CEP112: variants seen among roughly 807,000 people sequenced by gnomAD.
CEP112 encodes centrosomal protein 112.
In CEP112, 127 loss-of-function variants were observed where a neutral mutation model predicts 153.0. That is an observed-to-expected ratio of 0.83 (90% CI 0.72 to 0.96). The LOEUF is 0.96. Among genes scored for constraint, CEP112 ranks in the 40% least tolerant of loss-of-function variants. The probability of loss-of-function intolerance (pLI) is 0.00; values close to 1 mark genes in which losing one functional copy is unlikely to be tolerated. For missense variants in CEP112, 1,089 were observed against 1,101.2 expected (o/e 0.99, Z 0.16); for synonymous variants, 358 against 374.4 (o/e 0.96, Z 0.51).
At chr17:65,972,742 T>C (rs2062888927) in intron 17 of CEP112, among the ~76,000 whole-genome samples, 1 of 152,194 alleles carries the variant, frequency 6.6e-6, no homozygotes, top group Non-Finnish European at 1.5e-5. Flanking sequence ...ACCAGTATCA[T>C]AAAAGAAGAG....
chr17:65,851,831 A>G lies in CEP112; in HGVS notation c.2367T>C (p.Ala789=). 1.2e-6 allele frequency: 2 copies of G among 1,613,770 alleles called. No homozygotes were observed. Among genetic ancestry groups the G allele is most frequent in the South Asian group, 2.2e-5 (2 of 91,004 alleles). The change falls in exon 21 of 27, where the codon GCT becomes GCC. Residue 789 remains alanine (A), a synonymous_variant. Coordinates refer to ENST00000535342, the MANE Select transcript of CEP112 (RefSeq NM_001199165.4). ...KMKIELKKTH[A]AETEMTLEKA... is the part of the protein sequence containing the mutation. Reference sequence around the variant, plus strand: ...TTTCCAGTGTCATCTCTGTCTCAGCAGCATGAGTCTTTTTCAGCTCTATTT... The same window carrying G: ...TTTCCAGTGTCATCTCTGTCTCAGCGGCATGAGTCTTTTTCAGCTCTATTT...
At chr17:65,901,314 A>G (rs2059837901) in intron 20 of CEP112, among the ~76,000 whole-genome samples, 1 of 152,186 alleles carries the variant, frequency 6.6e-6, no homozygotes, top group Admixed American at 6.6e-5. Context: ...AAAGAACATT[A>G]TCTTTTTATT....
chr17:66,078,562 A>C (rs1388313567), intron 8 of CEP112, among the ~76,000 whole-genome samples: 1 of 151,996 alleles, frequency 6.6e-6, no homozygotes, highest in African/African-American at 2.4e-5. Context: ...GGGAAGTTTT[A>C]TATCTTTTAT....
chr17:65,783,527 G>A (rs12947920), intron 21 of CEP112, among the ~76,000 whole-genome samples: 48,903 of 151,974 alleles, frequency 0.32, 9,683 homozygotes, highest in Middle Eastern at 0.45. Flanking sequence ...GCTAAAAGGT[G>A]GAAACAATTC....
intron 19 of CEP112, among the ~76,000 whole-genome samples, chr17:65,914,845 A>C (rs2060415440): frequency 6.6e-6 from 1 of 152,178 alleles, no homozygotes; most frequent in African/African-American, 2.4e-5. Flanking sequence ...AAATTCCTCA[A>C]AACGGCTGCT....
intron 4 of CEP112, among the ~76,000 whole-genome samples, chr17:66,167,726 G>T (rs1407113321): frequency 6.6e-6 from 1 of 152,198 alleles, no homozygotes; most frequent in Non-Finnish European, 1.5e-5. Context: ...GAAATCATAA[G>T]GCCCTGCATT....
intron 23 of CEP112, among the ~76,000 whole-genome samples, chr17:65,737,214 C>T (rs535039911): frequency 1.3e-5 from 2 of 152,002 alleles, no homozygotes; most frequent in African/African-American, 2.4e-5. Flanking sequence ...AGAACAATAT[C>T]GGGTGGTAAG....
intron 21 of CEP112, among the ~76,000 whole-genome samples, chr17:65,756,422 A>G (rs2052281417): frequency 6.6e-6 from 1 of 151,070 alleles, no homozygotes; most frequent in African/African-American, 2.4e-5. Context: ...AAAAAAAAAA[A>G]AAAAAAAAAA....
chr17:65,755,021 A>G (rs1265584993), intron 21 of CEP112, among the ~76,000 whole-genome samples: 1 of 152,164 alleles, frequency 6.6e-6, no homozygotes, highest in Non-Finnish European at 1.5e-5. Flanking sequence ...GCAAACCACC[A>G]TGGCACACGT....
intron 21 of CEP112, among the ~76,000 whole-genome samples, chr17:65,807,118 G>A (rs1417002398): frequency 1.3e-5 from 2 of 152,186 alleles, no homozygotes; most frequent in Non-Finnish European, 2.9e-5. Flanking sequence ...ATTGGGAAGT[G>A]GAGTAAAAGT....
intron 23 of CEP112, among the ~76,000 whole-genome samples, chr17:65,699,320 A>G (rs2048507127): frequency 6.6e-6 from 1 of 152,182 alleles, no homozygotes; most frequent in African/African-American, 2.4e-5. Context: ...CTTTCATTTA[A>G]AACAGTTGGG....
chr17:65,953,149 T>C (rs1443262604), intron 18 of CEP112, among the ~76,000 whole-genome samples: 2 of 152,204 alleles, frequency 1.3e-5, no homozygotes, highest in Non-Finnish European at 2.9e-5. Context: ...TTAACTGAAA[T>C]TTAATTTCTA....
chr17:65,712,325 A>G (rs1382134344), intron 23 of CEP112, among the ~76,000 whole-genome samples: 1 of 152,218 alleles, frequency 6.6e-6, no homozygotes, highest in Admixed American at 6.5e-5. Context: ...TATGATATAC[A>G]GAAGATGAAT....
chr17:66,096,364 A>C, intron 7 of CEP112, 36 bp from the exon 8 acceptor site: 4 of 1,586,698 alleles, frequency 2.5e-6, no homozygotes, highest in Non-Finnish European at 3.5e-6. Flanking sequence ...ACATGTTTTC[A>C]GATCTGGTTT....
At chr17:65,639,546 G>A (rs1205614799) in intron 25 of CEP112, among the ~76,000 whole-genome samples, 5 of 151,822 alleles carry the variant, frequency 3.3e-5, no homozygotes, top group Non-Finnish European at 2.9e-5. Flanking sequence ...TTAGCTGGGC[G>A]TGGTTGCATG....
At chr17:65,917,607 C>T (rs992745413) in intron 19 of CEP112, among the ~76,000 whole-genome samples, 8 of 152,116 alleles carry the variant, frequency 5.3e-5, no homozygotes, top group East Asian at 3.9e-4. Flanking sequence ...ATGATTTTGC[C>T]GCCTATCTGA....
At chr17:65,971,379 C>T (rs1018449505) in intron 17 of CEP112, among the ~76,000 whole-genome samples, 2 of 90,352 alleles carry the variant, frequency 2.2e-5, no homozygotes, top group African/African-American at 3.7e-5. Flanking sequence ...CATGTATGTA[C>T]ATTGCATGTA....
chr17:65,970,384 T>TGTAAATTACATGCACACATCATGC (rs1568313669), intron 17 of CEP112, among the ~76,000 whole-genome samples: 11 of 61,610 alleles, frequency 1.8e-4, no homozygotes, highest in African/African-American at 3.9e-4. Context: ...ACATCATGCA[T>TGTAAATTACATGCACACATCATGC]ATATATTACA....
chr17:65,740,927 T>C (rs563128495), intron 23 of CEP112, among the ~76,000 whole-genome samples: 2 of 152,300 alleles, frequency 1.3e-5, no homozygotes, highest in East Asian at 1.9e-4. Flanking sequence ...AGAATATCTA[T>C]CTAGGTTCAT....
Sources: gnomAD v4.1 joint callset for allele counts (sites outside exome capture counted in the v4.1 genomes callset) on GRCh38, gnomAD v4.1.1 for gene constraint, MANE v1.5 for transcripts, NCBI Gene and HGNC (gene_info 2026-07-23, HGNC 2026-07-21) for gene names.